DLGAP2: variants seen among roughly 807,000 people sequenced by gnomAD.
DLGAP2 encodes disks large-associated protein 2.
DLGAP2 carries 26 observed loss-of-function variants against 100.3 expected under a neutral mutation model. The observed-to-expected ratio is 0.26, with a 90% CI of 0.19 to 0.36. DLGAP2 has a LOEUF of 0.36. DLGAP2 is among the 10% of genes least tolerant of loss of function. The pLI is 1.00. For synonymous variants in DLGAP2, 886 were observed against 630.1 expected (o/e 1.41, Z -6.08); for missense variants, 1,858 against 1,453.2 (o/e 1.28, Z -4.53).
intron 5 of DLGAP2, among the ~76,000 whole-genome samples, chr8:1,563,655 TGTGA>T (rs1240547397): frequency 6.6e-6 from 1 of 152,076 alleles, no homozygotes; most frequent in Non-Finnish European, 1.5e-5. Context: ...GTCCAGGATA[TGTGA>T]GTGACAGAAA....
At chr8:1,606,337 C>G (rs1016063933) in intron 6 of DLGAP2, among the ~76,000 whole-genome samples, 1 of 152,100 alleles carries the variant, frequency 6.6e-6, no homozygotes, top group African/African-American at 2.4e-5. Context: ...TGGACTTGCG[C>G]GAACATCAGT....
At chr8:1,516,731 CTG>C (rs1408317426) in intron 4 of DLGAP2, among the ~76,000 whole-genome samples, 1 of 150,562 alleles carries the variant, frequency 6.6e-6, no homozygotes, top group Non-Finnish European at 1.5e-5. Context: ...GAGTGAGTGA[CTG>C]AGAAAATGAG....
At chr8:1,591,717 C>T (rs1013037580) in intron 6 of DLGAP2, among the ~76,000 whole-genome samples, 1 of 152,168 alleles carries the variant, frequency 6.6e-6, no homozygotes. Flanking sequence ...ACCCCACACA[C>T]CCGCATATCT....
intron 3 of DLGAP2, chr8:1,381,316 G>A (rs1796088882): frequency 6.6e-6 from 1 of 152,186 alleles, no homozygotes; most frequent in African/African-American, 2.4e-5. Context: ...GCCAATGTTA[G>A]CAAAGACATG....
intron 2 of DLGAP2, among the ~76,000 whole-genome samples, chr8:1,050,966 T>C (rs1802663586): frequency 7.6e-6 from 1 of 130,724 alleles, no homozygotes; most frequent in African/African-American, 2.9e-5. Flanking sequence ...GGTGGGGTCA[T>C]TTCGTGGGTG....
chr8:748,171 GGGATGGGCGGGTCTGCGGT>G (rs1820695575), intron 1 of DLGAP2, among the ~76,000 whole-genome samples: 1 of 97,258 alleles, frequency 1.0e-5, no homozygotes, highest in African/African-American at 4.0e-5. Context: ...GGTCTGCGGT[GGGATGGGCGGGTCTGCGGT>G]GGGATGGGGG....
At chr8:833,795 T>A (rs1796823973) in intron 1 of DLGAP2, among the ~76,000 whole-genome samples, 1 of 152,222 alleles carries the variant, frequency 6.6e-6, no homozygotes. Flanking sequence ...TTTTTTACCA[T>A]GAATTTAGAC....
chr8:1,160,662 G>C (rs1284443404), intron 2 of DLGAP2, among the ~76,000 whole-genome samples: 1 of 152,252 alleles, frequency 6.6e-6, no homozygotes, highest in Non-Finnish European at 1.5e-5. Flanking sequence ...TTACTTAAAT[G>C]TGTGTGTAAT....
chr8:854,319 G>A (rs564231487), intron 1 of DLGAP2, among the ~76,000 whole-genome samples: 300 of 152,274 alleles, frequency 2.0e-3, no homozygotes, highest in Non-Finnish European at 3.5e-3. Flanking sequence ...GGGGCCTTCA[G>A]TGGGTATCCT....
intron 2 of DLGAP2, among the ~76,000 whole-genome samples, chr8:1,090,754 G>T (rs1284014246): frequency 6.6e-6 from 1 of 152,156 alleles, no homozygotes; most frequent in East Asian, 1.9e-4. Flanking sequence ...ATCCTGCATA[G>T]GTTGTTGTTG....
At chr8:1,487,820 C>G (rs992927652) in intron 3 of DLGAP2, among the ~76,000 whole-genome samples, 1 of 152,200 alleles carries the variant, frequency 6.6e-6, no homozygotes, top group African/African-American at 2.4e-5. Flanking sequence ...GGTGAAGCTT[C>G]ACGTCCTCAC....
intron 3 of DLGAP2, among the ~76,000 whole-genome samples, chr8:1,445,061 C>T (rs182902580): frequency 5.5e-4 from 77 of 141,258 alleles, no homozygotes; most frequent in South Asian, 4.6e-3. Flanking sequence ...TGAGCCACCG[C>T]GCCCAGCCAG....
intron 2 of DLGAP2, among the ~76,000 whole-genome samples, chr8:1,048,990 CATG>C (rs1347086335): frequency 3.9e-5 from 6 of 152,178 alleles, no homozygotes; most frequent in African/African-American, 1.4e-4. Context: ...TTCCAGGAAG[CATG>C]ATAATTTGTA....
At chr8:1,637,574 C>T (rs761586063) in intron 8 of DLGAP2, among the ~76,000 whole-genome samples, 7 of 152,122 alleles carry the variant, frequency 4.6e-5, no homozygotes, top group Non-Finnish European at 7.4e-5. Context: ...CACACATGAT[C>T]ACTTTCCGTT....
rs755878833 is a variant in DLGAP2 at position 1,691,604 on chromosome 8, A to G, written c.2774A>G (p.Tyr925Cys). The G allele has an allele frequency of 2.4e-5, 38 of 1,613,994 alleles. No individual in the cohort carries two copies. Among genetic ancestry groups the G allele is most frequent in the South Asian group, 1.9e-4 (17 of 91,048 alleles). Residue 925 changes from tyrosine to cysteine, a missense_variant, in exon 13 of 15, where the codon TAT becomes TGT. Coordinates refer to ENST00000637795, the MANE Select transcript of DLGAP2 (RefSeq NM_001346810.2). Reference sequence around the variant, plus strand: ...ATGTCCCAGAAATTCCAGCAGTTTTATTGGCTTTGCCAACAGAATATGGTA... The same window carrying G: ...ATGTCCCAGAAATTCCAGCAGTTTTGTTGGCTTTGCCAACAGAATATGGTA... ...LLMSQKFQQF[Y>C]WLCQQNMDPS...
At chr8:1,408,870 A>G (rs1796649177) in intron 3 of DLGAP2, among the ~76,000 whole-genome samples, 2 of 152,152 alleles carry the variant, frequency 1.3e-5, no homozygotes, top group Admixed American at 6.5e-5. Flanking sequence ...CAGAGAAGAA[A>G]GCTGGGCAGT....
chr8:1,436,897 C>G (rs911514451), intron 3 of DLGAP2, among the ~76,000 whole-genome samples: 3 of 152,260 alleles, frequency 2.0e-5, no homozygotes, highest in Admixed American at 2.0e-4. Context: ...TTGAGATACA[C>G]AACTTCTTAC....
intron 12 of DLGAP2, among the ~76,000 whole-genome samples, chr8:1,682,032 A>C (rs1175725503): frequency 1.3e-5 from 2 of 152,210 alleles, no homozygotes; most frequent in Non-Finnish European, 2.9e-5. Context: ...GCATCAAGTC[A>C]AGAAGTTCCC....
intron 3 of DLGAP2, among the ~76,000 whole-genome samples, chr8:1,460,793 T>C (rs531633162): frequency 2.0e-5 from 3 of 152,340 alleles, no homozygotes; most frequent in East Asian, 3.9e-4. Flanking sequence ...TCAGAGAAGA[T>C]ACTTTATGGG....
Sources: allele counts gnomAD v4.1 joint callset (sites outside exome capture counted in the v4.1 genomes callset), GRCh38; gene constraint gnomAD v4.1.1; transcripts MANE v1.5; gene names NCBI Gene and HGNC (gene_info 2026-07-23, HGNC 2026-07-21).